XPR1: variants seen among roughly 807,000 people sequenced by gnomAD.
XPR1 encodes the protein xenotropic and polytropic retrovirus receptor 1.
A neutral mutation model predicts 87.5 loss-of-function variants in XPR1; 28 were observed. The ratio of observed to expected loss-of-function variants is 0.32; its 90% CI spans 0.24 to 0.44. The LOEUF is 0.44. XPR1 is among the 20% of genes least tolerant of loss of function. The pLI, the probability that XPR1 is intolerant of heterozygous loss-of-function variation, is 1.00. For missense variants in XPR1, 559 were observed against 862.3 expected (o/e 0.65, Z 4.41); for synonymous variants, 300 against 306.1 (o/e 0.98, Z 0.21).
intron 2 of XPR1, among the ~76,000 whole-genome samples, chr1:180,717,462 T>C (rs1016760213): frequency 4.6e-5 from 7 of 152,172 alleles, no homozygotes; most frequent in African/African-American, 4.8e-5. Flanking sequence ...GAACAACTTA[T>C]AACCAAAGAG....
chr1:180,806,613 G>A, intron 6 of XPR1, 56 bp downstream of exon 6: 1 of 1,470,544 alleles, frequency 6.8e-7, no homozygotes, highest in South Asian at 1.3e-5. Context: ...AATCAACACA[G>A]TATTTAGCTG....
intron 2 of XPR1, among the ~76,000 whole-genome samples, chr1:180,724,819 C>T (rs1383770263): frequency 6.6e-6 from 1 of 151,964 alleles, no homozygotes; most frequent in Non-Finnish European, 1.5e-5. Flanking sequence ...CCTCAGTTAT[C>T]AATTTAATAT....
intron 1 of XPR1, among the ~76,000 whole-genome samples, chr1:180,637,685 C>T (rs1320761302): frequency 6.6e-6 from 1 of 152,158 alleles, no homozygotes; most frequent in Non-Finnish European, 1.5e-5. Context: ...TCCCAAGTAG[C>T]TGGCATTACA....
At chr1:180,638,357 T>A (rs935808920) in intron 1 of XPR1, among the ~76,000 whole-genome samples, 10 of 152,162 alleles carry the variant, frequency 6.6e-5, no homozygotes, top group African/African-American at 2.4e-4. Context: ...ATAATAAAAG[T>A]TTGGAAGACT....
chr1:180,846,405 G>A (rs1651686572), intron 11 of XPR1, among the ~76,000 whole-genome samples: 1 of 151,784 alleles, frequency 6.6e-6, no homozygotes, highest in African/African-American at 2.4e-5. Flanking sequence ...GTGGGCTAAT[G>A]TTGAATTTCT....
intron 2 of XPR1, among the ~76,000 whole-genome samples, chr1:180,702,395 G>GA (rs1337865708): frequency 6.7e-6 from 1 of 149,770 alleles, no homozygotes; most frequent in African/African-American, 2.5e-5. Context: ...GTGTGGTGCT[G>GA]AAAAAAATGT....
intron 2 of XPR1, among the ~76,000 whole-genome samples, chr1:180,694,754 C>G (rs192406027): frequency 6.7e-6 from 1 of 148,366 alleles, no homozygotes; most frequent in Admixed American, 6.8e-5. Flanking sequence ...TGTGTCACCC[C>G]GACTCCTGAT....
chr1:180,791,451 A>T (rs1230470738), intron 3 of XPR1, among the ~76,000 whole-genome samples: 1 of 151,964 alleles, frequency 6.6e-6, no homozygotes, highest in Non-Finnish European at 1.5e-5. Flanking sequence ...TTTTATTTTT[A>T]TTTTTGGTAG....
At chr1:180,763,223 G>T (rs1434787833) in intron 2 of XPR1, among the ~76,000 whole-genome samples, 2 of 152,220 alleles carry the variant, frequency 1.3e-5, no homozygotes, top group South Asian at 2.1e-4. Flanking sequence ...GTGAACAGAG[G>T]CATGGATGTG....
At chr1:180,742,634 G>T (rs1405022541) in intron 2 of XPR1, among the ~76,000 whole-genome samples, 4 of 152,042 alleles carry the variant, frequency 2.6e-5, no homozygotes, top group South Asian at 4.2e-4. Context: ...TTCTTTAAAG[G>T]TTAATTACAT....
At chr1:180,883,813 A>G (rs962833782) in intron 14 of XPR1, among the ~76,000 whole-genome samples, 193 bp from the exon 15 acceptor site, 8 of 152,040 alleles carry the variant, frequency 5.3e-5, no homozygotes, top group African/African-American at 1.9e-4. Context: ...GTTGTGATCT[A>G]GTTTCTTAGT....
chr1:180,782,594 C>CT (rs1438085945), intron 2 of XPR1, among the ~76,000 whole-genome samples: 7 of 151,848 alleles, frequency 4.6e-5, no homozygotes, highest in African/African-American at 1.4e-4. Context: ...TCTGGTGTCT[C>CT]TTTTTTTATA....
At chr1:180,672,629 A>G (rs1251898080) in intron 1 of XPR1, among the ~76,000 whole-genome samples, 1 of 152,168 alleles carries the variant, frequency 6.6e-6, no homozygotes, top group African/African-American at 2.4e-5. Flanking sequence ...GATGAGACAA[A>G]CCATATTAGA....
intron 1 of XPR1, among the ~76,000 whole-genome samples, chr1:180,679,376 T>C (rs1180229212): frequency 6.6e-6 from 1 of 152,172 alleles, no homozygotes; most frequent in Admixed American, 6.6e-5. Context: ...GATACTGTTA[T>C]CTAACGGGTC....
At chr1:180,710,787 C>T (rs546500760) in intron 2 of XPR1, among the ~76,000 whole-genome samples, 4 of 150,914 alleles carry the variant, frequency 2.7e-5, no homozygotes, top group South Asian at 4.2e-4. Context: ...CGGGCAGAGG[C>T]GCCCCCCCAC....
chr1:180,790,704 TA>T (rs1649346483), intron 3 of XPR1, among the ~76,000 whole-genome samples: 1 of 151,864 alleles, frequency 6.6e-6, no homozygotes, highest in Admixed American at 6.6e-5. Context: ...CATGCCCAGC[TA>T]ATTTTTTTTA....
At chr1:180,754,569 G>A (rs61809359) in intron 2 of XPR1, among the ~76,000 whole-genome samples, 9 of 151,808 alleles carry the variant, frequency 5.9e-5, no homozygotes, top group Non-Finnish European at 1.3e-4. Flanking sequence ...CAATCAATCC[G>A]CCCACCTAGG....
At chr1:180,876,965 A>C (rs1652684881) in intron 13 of XPR1, among the ~76,000 whole-genome samples, 1 of 152,246 alleles carries the variant, frequency 6.6e-6, no homozygotes, top group South Asian at 2.1e-4. Context: ...TTACACAGAA[A>C]ATTCAAAATA....
intron 2 of XPR1, among the ~76,000 whole-genome samples, chr1:180,696,200 G>GTATATATATA (rs1371214062): frequency 9.1e-6 from 1 of 110,056 alleles, no homozygotes; most frequent in Non-Finnish European, 1.8e-5. Flanking sequence ...GTGTGTGTGT[G>GTATATATATA]TGTGTGTGTA....
Sources: allele counts gnomAD v4.1 joint callset (sites outside exome capture counted in the v4.1 genomes callset), GRCh38; gene constraint gnomAD v4.1.1; transcripts MANE v1.5; gene names NCBI Gene and HGNC (gene_info 2026-07-23, HGNC 2026-07-21).